Variants in ADGRL1 observed in about 807,000 individuals in gnomAD.
The protein encoded by ADGRL1 is adhesion G protein-coupled receptor L1, also known as CIRL-1.
In ADGRL1, 31 loss-of-function variants were observed where a neutral mutation model predicts 148.9. The ratio of observed to expected loss-of-function variants is 0.21; its 90% confidence interval spans 0.16 to 0.28. The LOEUF is 0.28. Ranked by LOEUF, ADGRL1 falls within the 10% of genes least tolerant of loss-of-function variation. ADGRL1 has a pLI of 1.00. For missense variants in ADGRL1, 1,521 were observed against 2,058.8 expected (o/e 0.74, Z 5.05); for synonymous variants, 937 against 900.3 (o/e 1.04, Z -0.73).
rs780773862 is a variant in ADGRL1 at position 14,160,348 on chromosome 19, T to G, written c.1615-51A>C. On this transcript the variant is annotated intron_variant, in intron 7 of 22. Transcript: ENST00000361434. This position sits in a 1 kb window ranked among gnomAD's most constrained non-coding sequence, Gnocchi z 5.9. The stretch of plus-strand genomic sequence containing the variant: ...GGAATCCCAGGACTGTCAGGGACCA[T>G]CCTGCCCTCCCCGGCTTCCCTGGCC... 1.3e-6 allele frequency: 2 copies of G among 1,516,426 alleles called. No homozygotes were observed. The highest frequency in any genetic ancestry group is 3.7e-5 in the Admixed American group (2 of 53,592). The allele number at this position is 1,516,426 out of a possible 1,614,324, so 93.9% of individuals were successfully genotyped here. A position where few individuals can be genotyped will look rare whatever the true frequency, so the allele number is the denominator to read the frequency against.
chr19:14,203,545 G>A (rs962803237), intron 1 of ADGRL1, among the ~76,000 whole-genome samples: 1 of 152,096 alleles, frequency 6.6e-6, no homozygotes, highest in African/African-American at 2.4e-5. Flanking sequence ...CCACCCGCCA[G>A]GAGCCCAAAC....
chr19:14,183,515 G>T lies in ADGRL1; in HGVS notation c.70+18C>A. On this transcript the variant is annotated intron_variant, in intron 2 of 22. Coordinates refer to ENST00000361434, the MANE Select transcript of ADGRL1 (RefSeq NM_014921.5). ...GGTTTGGGAGCCGCGGCCCCTCCCC[G>T]GCCCCAGCAGCACCTACCTTGGGTG... 1 of 1,559,302 alleles carries T rather than the reference G, an allele frequency of 6.4e-7. No individual in the cohort carries two copies. The highest frequency in any genetic ancestry group is 1.2e-5 in the South Asian group (1 of 84,692).
intron 1 of ADGRL1, among the ~76,000 whole-genome samples, chr19:14,185,144 C>T (rs920151544): frequency 2.6e-5 from 4 of 152,214 alleles, no homozygotes; most frequent in South Asian, 2.1e-4. Context: ...CCTCTCTCCC[C>T]GCCTCAGTCT....
chr19:14,170,529 T>G, intron 4 of ADGRL1, 153 bp downstream of exon 4: 2 of 566,006 alleles, frequency 3.5e-6, no homozygotes, highest in East Asian at 3.1e-5. Context: ...GTGTCTGGGA[T>G]TAGAGAATGT....
chr19:14,156,297 T>A, intron 16 of ADGRL1, 96 bp from the exon 17 acceptor site: 1 of 967,956 alleles, frequency 1.0e-6, no homozygotes, highest in Non-Finnish European at 1.6e-6. Context: ...ATCTCAGCTG[T>A]GGCCCTCGCC....
intron 22 of ADGRL1, 65 bp from the exon 23 acceptor site, chr19:14,151,680 G>A: frequency 1.4e-6 from 2 of 1,457,844 alleles, no homozygotes; most frequent in East Asian, 2.3e-5. Context: ...GGACAGTGAG[G>A]GGGTGCGGTC....
chr19:14,169,806 A>C (rs1478876154), intron 4 of ADGRL1: 3 of 152,254 alleles, frequency 2.0e-5, no homozygotes, highest in African/African-American at 7.3e-5. Context: ...AGGAGAAGGG[A>C]AGGGATAATG....
In ADGRL1 at chr19:14,201,323, G is replaced by A. The variant is rs2018974; in HGVS notation, c.-96+4662C>T. 8.8e-3 allele frequency among the ~76,000 whole-genome samples: 922 copies of A among 104,436 alleles called. 32 individuals are homozygous for A. The highest frequency in any genetic ancestry group is 0.03 in the African/African-American group (852 of 28,328). The allele number at this position is 104,436 out of a possible 152,430, so 68.5% of individuals were successfully genotyped here. A position where few individuals can be genotyped will look rare whatever the true frequency, so the allele number is the denominator to read the frequency against. ...TTTTGTTTTTTTTTTTTGGCGGGGT[G>A]GGGGGGGGCAAGGTTATTTTTGGCC... On this transcript the variant is annotated intron_variant, in intron 1 of 22. Coordinates refer to ENST00000361434, the MANE Select transcript of ADGRL1 (RefSeq NM_014921.5).
intron 1 of ADGRL1, among the ~76,000 whole-genome samples, chr19:14,184,813 G>C (rs1008846861): frequency 4.0e-5 from 6 of 151,396 alleles, no homozygotes; most frequent in Non-Finnish European, 8.8e-5. Flanking sequence ...CTAATTTTTT[G>C]TATTTTTAGT....
At position 14,151,144 on chromosome 19, in the gene ADGRL1, T is replaced by A; in HGVS notation, c.4139A>T (p.Tyr1380Phe). The change falls in exon 23 of 23, where the codon TAT (tyrosine) becomes TTT (phenylalanine). Residue 1380 changes from tyrosine (Y) to phenylalanine (F), a missense_variant. Physicochemically the swap from Tyr to Phe is conservative, Grantham distance 22. Coordinates refer to ENST00000361434, the MANE Select transcript of ADGRL1 (RefSeq NM_014921.5). ...LSSPPGRDSL[Y>F]ASGANLRDSP... ...GTCCCGCAGGTTGGCCCCGCTGGCATAGAGGGAGTCCCGGCCAGGAGGGGA... is the reference window on the plus strand; with the variant it reads ...GTCCCGCAGGTTGGCCCCGCTGGCAAAGAGGGAGTCCCGGCCAGGAGGGGA... 1 of 1,600,446 alleles carries A rather than the reference T, an allele frequency of 6.2e-7. No homozygotes were observed.
intron 1 of ADGRL1, among the ~76,000 whole-genome samples, chr19:14,193,089 GACAGAGTTCCCCAGGA>G (rs1191621642): frequency 6.6e-6 from 1 of 151,964 alleles, no homozygotes; most frequent in Non-Finnish European, 1.5e-5. Flanking sequence ...TAGGGGTACA[GACAGAGTTCCCCAGGA>G]GCACGACGCC....
rs1968658918 is a variant in ADGRL1, at chr19:14,155,702, G to C, written c.3126-175C>G. On this transcript the variant is annotated intron_variant, in intron 17 of 22. Coordinates refer to ENST00000361434, the MANE Select transcript of ADGRL1 (RefSeq NM_014921.5). The surrounding 1 kb of genome is among the most constrained non-coding windows in gnomAD (Gnocchi z 5.0). ...TGGCCTGCCCAGGACACCTCCACCG[G>C]AGCCTGGGCCTGAGGGAAAGGTACT... is the stretch of plus-strand genomic sequence containing the variant. 1.6e-6 allele frequency: 1 copy of C among 618,958 alleles called. No homozygotes were observed. The highest frequency in any genetic ancestry group is 2.8e-6 in the Non-Finnish European group (1 of 354,874). 38.3% of individuals were successfully genotyped at this position (618,958 alleles called of 1,614,324 possible). A position where few individuals can be genotyped will look rare whatever the true frequency, so the allele number is the denominator to read the frequency against.
Position 14,156,214 on chromosome 19 carries a change from C to G in ADGRL1, c.3034-13G>C. The stretch of plus-strand genomic sequence containing the variant: ...ACACCAGGTTGACCTGGGGGCGGGA[C>G]AAGGGGCAGGCTGGGCTGAGAGTGG... On this transcript the variant is annotated splice_polypyrimidine_tract_variant and intron_variant, in intron 16 of 22. Coordinates refer to ENST00000361434, the MANE Select transcript of ADGRL1 (RefSeq NM_014921.5). 5 of 1,604,510 alleles carry G rather than the reference C, an allele frequency of 3.1e-6. No individual in the cohort carries two copies. Among genetic ancestry groups the G allele is most frequent in the Non-Finnish European group, 3.4e-6 (4 of 1,173,776 alleles).
At position 14,152,079 on chromosome 19, in the gene ADGRL1, C is replaced by G; in HGVS notation, c.3667+54G>C. The G allele has an allele frequency of 6.5e-7, 1 of 1,549,318 alleles. No homozygotes were observed. The highest frequency in any genetic ancestry group is 8.9e-7 in the Non-Finnish European group (1 of 1,120,838). On this transcript the variant is annotated intron_variant, in intron 22 of 22. Coordinates refer to ENST00000361434, the MANE Select transcript of ADGRL1 (RefSeq NM_014921.5). This position sits in a 1 kb window ranked among gnomAD's most constrained non-coding sequence, Gnocchi z 6.1. ...TAAGTGAGGCCGTCTGAGAAGGCCA[C>G]TGTCTGTCCCTCTCCCAGCCTCAGA...
intron 2 of ADGRL1, among the ~76,000 whole-genome samples, chr19:14,182,220 T>G (rs989163092): frequency 1.3e-5 from 2 of 152,126 alleles, no homozygotes; most frequent in African/African-American, 4.8e-5. Context: ...CAGAGCGCAG[T>G]GAGATGATAT....
At chr19:14,173,925 G>C (rs541654907) in intron 3 of ADGRL1, among the ~76,000 whole-genome samples, 64 of 139,534 alleles carry the variant, frequency 4.6e-4, no homozygotes, top group African/African-American at 1.6e-3. Context: ...CAGCCTGGGG[G>C]AGAGCAAGAC....
At chr19:14,198,012 C>A (rs573598142) in intron 1 of ADGRL1, among the ~76,000 whole-genome samples, 1 of 152,050 alleles carries the variant, frequency 6.6e-6, no homozygotes, top group Non-Finnish European at 1.5e-5. Flanking sequence ...AGTGACATTT[C>A]GGCAGAGGTC....
intron 4 of ADGRL1, chr19:14,167,083 C>A: frequency 6.8e-7 from 1 of 1,476,960 alleles, no homozygotes; most frequent in African/African-American, 1.4e-5. Context: ...AAAAAATGTG[C>A]AAGAAAAAAA....
chr19:14,181,200 C>T (rs1195436870), intron 2 of ADGRL1, among the ~76,000 whole-genome samples: 1 of 152,252 alleles, frequency 6.6e-6, no homozygotes, highest in Non-Finnish European at 1.5e-5. Flanking sequence ...GGGGACTTCC[C>T]TAACTTCACC....
Sources: allele counts gnomAD v4.1 joint callset (sites outside exome capture counted in the v4.1 genomes callset), GRCh38; gene constraint gnomAD v4.1.1; non-coding constraint Gnocchi (gnomAD v3.1); transcripts MANE v1.5; gene names NCBI Gene and HGNC (gene_info 2026-07-23, HGNC 2026-07-21).